The following HNRNPAB variants were observed in gnomAD, a reference collection of about 807,000 sequenced individuals.
HNRNPAB encodes heterogeneous nuclear ribonucleoprotein A/B.
Under a neutral mutation model 44.1 loss-of-function variants are expected in HNRNPAB, and 17 were observed. The ratio of observed to expected loss-of-function variants is 0.39; its 90% CI spans 0.26 to 0.58. The LOEUF (loss-of-function observed/expected upper bound fraction) is 0.58. Among genes scored for constraint, HNRNPAB ranks in the 20% least tolerant of loss-of-function variants. The probability of loss-of-function intolerance (pLI) is 0.63; values close to 1 mark genes in which losing one functional copy is unlikely to be tolerated. For synonymous variants in HNRNPAB, 183 were observed against 167.6 expected, an observed-to-expected ratio of 1.09 and a Z score of -0.71; for missense variants, 393 against 432.7, an observed-to-expected ratio of 0.91 and a Z score of 0.81.
chr5:178,209,326 T>A lies in HNRNPAB; in HGVS notation c.670-4T>A. The A allele has an allele frequency of 6.2e-7, 1 of 1,613,748 alleles. No individual in the cohort carries two copies. Among genetic ancestry groups the A allele is most frequent in the Non-Finnish European group, 8.5e-7 (1 of 1,179,628 alleles). On this transcript the variant is annotated splice_region_variant and splice_polypyrimidine_tract_variant and intron_variant, in intron 5 of 7. Coordinates refer to ENST00000358344, the MANE Select transcript of HNRNPAB (RefSeq NM_031266.3). ...GGCCTGACCACTGTCCTCTTGACTT[T>A]TAGTGTGAGATCAAGGTGGCCCAGC... is the stretch of plus-strand genomic sequence containing the variant.
Position 178,206,903 on chromosome 5 carries a change from C to T in HNRNPAB, c.537+13C>T, listed in dbSNP as rs1757086745. ...CGAGTTTGGGGAGGTGAGTGTGGCTCTGGGAATAGCCCATCAGCTGCCCCT... is the reference window on the plus strand; with the variant it reads ...CGAGTTTGGGGAGGTGAGTGTGGCTTTGGGAATAGCCCATCAGCTGCCCCT... On this transcript the variant is annotated intron_variant, in intron 4 of 7. Coordinates refer to ENST00000358344, the MANE Select transcript of HNRNPAB (RefSeq NM_031266.3). 1.2e-6 allele frequency: 2 copies of T among 1,613,674 alleles called. No individual in the cohort carries two copies. The highest frequency in any genetic ancestry group is 2.2e-5 in the South Asian group (2 of 91,052).
chr5:178,210,769 T>G lies in HNRNPAB; in HGVS notation c.*146T>G, dbSNP rs1758042451. On this transcript the variant is annotated 3_prime_UTR_variant, in exon 8 of 8. Coordinates refer to ENST00000358344, the MANE Select transcript of HNRNPAB (RefSeq NM_031266.3). The stretch of plus-strand genomic sequence containing the variant: ...TTAAAATTTCCCCCATGGAAATCAC[T>G]CTCCTGTTGACTATTTCCAGAGCTC... The G allele has an allele frequency of 1.5e-6, 1 of 679,450 alleles. No homozygotes were observed. The highest frequency in any genetic ancestry group is 2.6e-6 in the Non-Finnish European group (1 of 379,236). The allele number at this position is 679,450 out of a possible 1,614,324, so 42.1% of individuals were successfully genotyped here.
Position 178,207,667 on chromosome 5 carries a change from G to C in HNRNPAB, c.669+442G>C, listed in dbSNP as rs1757135326. ...TACCTCCTTCTACAACCAAGTCTTT[G>C]TCCACTTCCATCCACTTTGAGCACT... On this transcript the variant is annotated intron_variant, in intron 5 of 7. Transcript: ENST00000358344. Among the ~76,000 whole-genome samples, 3 of 137,466 alleles carry C rather than the reference G, an allele frequency of 2.2e-5. No homozygotes were observed. In the South Asian group the frequency reaches 7.0e-4, roughly 32 times the overall value. The allele number at this position is 137,466 out of a possible 152,430, so 90.2% of individuals were successfully genotyped here. A position where few individuals can be genotyped will look rare whatever the true frequency, so the allele number is the denominator to read the frequency against.
rs776924287 is a variant in HNRNPAB, at chr5:178,209,428, A to AGGT, written c.777_779dup (p.Gly263dup). 4 of 1,613,918 alleles carry AGGT rather than the reference A, an allele frequency of 2.5e-6. No individual in the cohort carries two copies. Among genetic ancestry groups the AGGT allele is most frequent in the East Asian group, 2.2e-5 (1 of 44,832 alleles). The stretch of plus-strand genomic sequence containing the variant: ...GCAACCGAGGGAACCGAGGCAGCGG[A>AGGT]GGTGGTGGTGGAGGTGGAGGTGAGT... On this transcript the variant is annotated inframe_insertion, in exon 6 of 8. Transcript: ENST00000358344.
Position 178,206,781 on chromosome 5 carries a change from A to G in HNRNPAB, c.428A>G (p.Lys143Arg). 6.2e-7 allele frequency: 1 copy of G among 1,614,150 alleles called. No individual in the cohort carries two copies. Among genetic ancestry groups the G allele is most frequent in the Non-Finnish European group, 8.5e-7 (1 of 1,180,016 alleles). The change falls in exon 4 of 8, where the codon AAA (lysine) becomes AGA (arginine). Residue 143 changes from lysine to arginine, a missense_variant. Lys to Arg is a conservative substitution (Grantham distance 26). Around this residue, in one of 3 missense-constraint regions of HNRNPAB, gnomAD observed 102 missense variants for 162.3 expected, o/e 0.63. Coordinates refer to ENST00000358344, the MANE Select transcript of HNRNPAB (RefSeq NM_031266.3). The stretch of plus-strand genomic sequence containing the variant: ...CTGGATGGCCGTGTCATTGACCCTA[A>G]AAAGGCCATGGCTATGAAGAAGGAC... ...HRLDGRVIDPKKAMAMKKDPV... is the reference protein window; with the variant it reads ...HRLDGRVIDPRKAMAMKKDPV...
chr5:178,209,264 G>A, intron 5 of HNRNPAB, 66 bp from the exon 6 acceptor site: 1 of 1,200,240 alleles, frequency 8.3e-7, no homozygotes, highest in Non-Finnish European at 1.2e-6. Context: ...TCGCAGTGAA[G>A]GTGTTTGGGC....
At chr5:178,207,569 C>G (rs1309557566) in intron 5 of HNRNPAB, among the ~76,000 whole-genome samples, 1 of 152,026 alleles carries the variant, frequency 6.6e-6, no homozygotes, top group Non-Finnish European at 1.5e-5. Context: ...TTTAAGGTCT[C>G]AGAAGATCCT....
Position 178,204,799 on chromosome 5 carries a change from T to C in HNRNPAB, c.-23-16T>C, listed in dbSNP as rs951376178. 5.9e-6 allele frequency: 7 copies of C among 1,189,972 alleles called. No homozygotes were observed. The African/African-American group carries it at 1.1e-4, about 19-fold the overall frequency. The allele number at this position is 1,189,972 out of a possible 1,614,324, so 73.7% of individuals were successfully genotyped here. ...GGAGCCGCGCCGGCCTGACGCGCTG[T>C]CGCCGCTGGTTGCAGGAGCCGCCGC... On this transcript the variant is annotated splice_polypyrimidine_tract_variant and intron_variant, in intron 1 of 7. Transcript: ENST00000358344.
chr5:178,210,571 A>G lies in HNRNPAB; in HGVS notation c.947A>G (p.Tyr316Cys). The G allele has an allele frequency of 6.2e-7, 1 of 1,614,162 alleles. No individual in the cohort carries two copies. Among genetic ancestry groups the G allele is most frequent in the Non-Finnish European group, 8.5e-7 (1 of 1,179,992 alleles). The change falls in exon 8 of 8, where the codon TAC (tyrosine) becomes TGC (cysteine). Residue 316 changes from tyrosine to cysteine, a missense_variant. Coordinates refer to ENST00000358344, the MANE Select transcript of HNRNPAB (RefSeq NM_031266.3). ...GYDYSQGSTN[Y>C]GKSQRRGGHQ... Reference sequence around the variant, plus strand: ...TCCCTAGGTCAGGGTAGTACAAACTACGGCAAGAGCCAGCGACGTGGTGGC... The same window carrying G: ...TCCCTAGGTCAGGGTAGTACAAACTGCGGCAAGAGCCAGCGACGTGGTGGC...
chr5:178,210,251 T>C lies in HNRNPAB; in HGVS notation c.907T>C (p.Tyr303His). ...CTACTCGCCCTATGGCTATTACGGC[T>C]ACGGCCCCGGCTACGACTACAGTAA... is the stretch of plus-strand genomic sequence containing the variant. Reference protein sequence around the residue: ...YDYSPYGYYGYGPGYDYSQGS... With the variant: ...YDYSPYGYYGHGPGYDYSQGS... Residue 303 changes from tyrosine to histidine, a missense_variant, in exon 7 of 8, where the codon TAC (tyrosine) becomes CAC (histidine). Around this residue, in one of 3 missense-constraint regions of HNRNPAB, gnomAD observed 210 missense variants for 196.9 expected, o/e 1.07. Coordinates refer to ENST00000358344, the MANE Select transcript of HNRNPAB (RefSeq NM_031266.3). The C allele has an allele frequency of 6.2e-7, 1 of 1,613,982 alleles. No homozygotes were observed. The highest frequency in any genetic ancestry group is 8.5e-7 in the Non-Finnish European group (1 of 1,179,884).
In HNRNPAB at chr5:178,205,986, C is replaced by T; in HGVS notation, c.354C>T (p.Phe118=). Residue 118 remains phenylalanine (F), a synonymous_variant, in exon 3 of 8, where the codon TTC becomes TTT. Coordinates refer to ENST00000358344, the MANE Select transcript of HNRNPAB (RefSeq NM_031266.3). ...CAAGAGGGTTTGGGTTTATCCTGTT[C>T]AAAGATGCAGCCAGTGTGGAGAAGG... ...GRSRGFGFIL[F]KDAASVEKVL... 2 of 1,614,016 alleles carry T rather than the reference C, an allele frequency of 1.2e-6. No homozygotes were observed. Among genetic ancestry groups the T allele is most frequent in the East Asian group, 2.2e-5 (1 of 44,886 alleles).
chr5:178,207,067 G>C, intron 4 of HNRNPAB, 27 bp from the exon 5 acceptor site: 2 of 1,613,374 alleles, frequency 1.2e-6, no homozygotes. Context: ...GAGGTATTGG[G>C]CCTGAGTTTG....
At position 178,210,574 on chromosome 5, in the gene HNRNPAB, G is replaced by C; in HGVS notation, c.950G>C (p.Gly317Ala). The C allele has an allele frequency of 1.2e-6, 2 of 1,614,146 alleles. No homozygotes were observed. The highest frequency in any genetic ancestry group is 2.2e-5 in the South Asian group (2 of 91,080). Residue 317 changes from glycine to alanine, a missense_variant, in exon 8 of 8, where the codon GGC becomes GCC. Around this residue, in one of 3 missense-constraint regions of HNRNPAB, gnomAD observed 210 missense variants for 196.9 expected, o/e 1.07. Coordinates refer to ENST00000358344, the MANE Select transcript of HNRNPAB (RefSeq NM_031266.3). ...CTAGGTCAGGGTAGTACAAACTACG[G>C]CAAGAGCCAGCGACGTGGTGGCCAT... ...YDYSQGSTNY[G>A]KSQRRGGHQN...
In HNRNPAB at chr5:178,209,463, A is replaced by T; in HGVS notation, c.787+16A>T. The T allele has an allele frequency of 6.2e-7, 1 of 1,603,820 alleles. No individual in the cohort carries two copies. Among genetic ancestry groups the T allele is most frequent in the South Asian group, 1.1e-5 (1 of 90,846 alleles). ...GGAGGTGGAGGTGAGTGGAACGTGGATGAAGATAGGTCCTGTTTCCCTGCC... is the reference window on the plus strand; with the variant it reads ...GGAGGTGGAGGTGAGTGGAACGTGGTTGAAGATAGGTCCTGTTTCCCTGCC... On this transcript the variant is annotated intron_variant, in intron 6 of 7. Coordinates refer to ENST00000358344, the MANE Select transcript of HNRNPAB (RefSeq NM_031266.3).
At chr5:178,206,659 T>G (rs1757074297) in intron 3 of HNRNPAB, 73 bp from the exon 4 acceptor site, 1 of 1,470,088 alleles carries the variant, frequency 6.8e-7, no homozygotes, top group Admixed American at 1.8e-5. Context: ...TACTGGTGTC[T>G]TTATGGCTTA....
chr5:178,206,371 G>T (rs768372138), intron 3 of HNRNPAB, among the ~76,000 whole-genome samples: 102 of 152,308 alleles, frequency 6.7e-4, no homozygotes, highest in African/African-American at 2.4e-3. Flanking sequence ...GCTCAGAAAT[G>T]TAAGTAGAAG....
In HNRNPAB at chr5:178,207,077, G is replaced by A. The variant is rs775846669; in HGVS notation, c.538-17G>A. 1.5e-5 allele frequency: 24 copies of A among 1,613,710 alleles called. No individual in the cohort carries two copies. In the South Asian group the frequency reaches 2.6e-4, roughly 18 times the overall value. ...GTAGGGAGGTATTGGGCCTGAGTTT[G>A]CCTATGCTTTTTGCAGATTGAGGCC... On this transcript the variant is annotated splice_polypyrimidine_tract_variant and intron_variant, in intron 4 of 7. Transcript: ENST00000358344.
At chr5:178,210,366 TCAGA>T in intron 7 of HNRNPAB, 94 bp downstream of exon 7, 3 of 1,594,432 alleles carry the variant, frequency 1.9e-6, no homozygotes, top group Non-Finnish European at 2.6e-6. Flanking sequence ...GGCTTTGGAG[TCAGA>T]CAGGCCTGGC....
In HNRNPAB at chr5:178,204,580, T is replaced by A; in HGVS notation, c.-184T>A. 1 of 240,734 alleles carries A rather than the reference T, an allele frequency of 4.2e-6. No individual in the cohort carries two copies. Among genetic ancestry groups the A allele is most frequent in the Non-Finnish European group, 7.9e-6 (1 of 126,318 alleles). The allele number at this position is 240,734 out of a possible 1,614,324, so 14.9% of individuals were successfully genotyped here. A position where few individuals can be genotyped will look rare whatever the true frequency, so the allele number is the denominator to read the frequency against. On this transcript the variant is annotated 5_prime_UTR_variant, in exon 1 of 8. Transcript: ENST00000358344. Reference sequence around the variant, plus strand: ...GGAGCTTGGCTGTTGGTCGGTGGGTTCCCGTGCGGCGGCGGCCAAGGAGGA... The same window carrying A: ...GGAGCTTGGCTGTTGGTCGGTGGGTACCCGTGCGGCGGCGGCCAAGGAGGA...
Sources: gnomAD v4.1 joint callset for allele counts (sites outside exome capture counted in the v4.1 genomes callset) on GRCh38, gnomAD v4.1.1 for gene constraint, gnomAD v4.1.1 regional missense constraint, MANE v1.5 for transcripts, NCBI Gene and HGNC (gene_info 2026-07-23, HGNC 2026-07-21) for gene names.